FMNL3: variants seen among roughly 807,000 people sequenced by gnomAD.
FMNL3 encodes formin like 3, also known as formin-like protein 3.
In FMNL3, 57 loss-of-function variants were observed where a neutral mutation model predicts 119.6. That is an observed-to-expected ratio of 0.48 (90% CI 0.39 to 0.59). FMNL3 has a LOEUF of 0.59. FMNL3 is among the 20% of genes least tolerant of loss of function. The pLI is 0.00. For synonymous variants in FMNL3, 491 were observed against 507.3 expected, an observed-to-expected ratio of 0.97 and a Z score of 0.43; for missense variants, 1,053 against 1,323.5, an observed-to-expected ratio of 0.80 and a Z score of 3.17.
Position 49,707,387 on chromosome 12 carries a change from A to C in FMNL3, c.-207T>G, listed in dbSNP as rs1017320354. ...GGCAGCGTAGCGGACAGCCGCACCG[A>C]AGCAAGGCGGACGGAGGCGGCCGGC... On this transcript the variant is annotated 5_prime_UTR_variant, in exon 1 of 26. Coordinates refer to ENST00000335154, the MANE Select transcript of FMNL3 (RefSeq NM_175736.5). 20 of 389,660 alleles carry C rather than the reference A, an allele frequency of 5.1e-5. No homozygotes were observed. Among genetic ancestry groups the C allele is most frequent in the Non-Finnish European group, 3.1e-5 (7 of 223,472 alleles). 24.1% of individuals were successfully genotyped at this position (389,660 alleles called of 1,614,324 possible).
rs1943120682 is a variant in FMNL3 at position 49,645,116 on chromosome 12, A to C, written c.*699T>G. The C allele has an allele frequency of 6.6e-6, 1 of 151,584 alleles. No homozygotes were observed. Among genetic ancestry groups the C allele is most frequent in the South Asian group, 2.1e-4 (1 of 4,812 alleles). 9.4% of individuals were successfully genotyped at this position (151,584 alleles called of 1,614,324 possible). ...CCTTGTCCCCTGCCAAAAAAAAAAAAAAAAAAAAAAAAACCGTAGCTGAGG... is the reference window on the plus strand; with the variant it reads ...CCTTGTCCCCTGCCAAAAAAAAAAACAAAAAAAAAAAAACCGTAGCTGAGG... On this transcript the variant is annotated 3_prime_UTR_variant, in exon 26 of 26. Coordinates refer to ENST00000335154, the MANE Select transcript of FMNL3 (RefSeq NM_175736.5).
At chr12:49,670,333 C>G (rs1944010625) in intron 1 of FMNL3, among the ~76,000 whole-genome samples, 1 of 152,192 alleles carries the variant, frequency 6.6e-6, no homozygotes, top group African/African-American at 2.4e-5. Context: ...ATAAACATAA[C>G]TCAGATATAC....
At chr12:49,661,462 C>T (rs1943731146) in intron 5 of FMNL3, among the ~76,000 whole-genome samples, 1 of 151,894 alleles carries the variant, frequency 6.6e-6, no homozygotes, top group African/African-American at 2.4e-5. Flanking sequence ...CCAAGCCCCC[C>T]TGCCTGCTAG....
chr12:49,680,271 T>C (rs944816176), intron 1 of FMNL3, among the ~76,000 whole-genome samples: 4 of 152,232 alleles, frequency 2.6e-5, no homozygotes, highest in African/African-American at 9.6e-5. Flanking sequence ...AATGAATCCC[T>C]TCCTACTTCC....
intron 1 of FMNL3, among the ~76,000 whole-genome samples, chr12:49,697,985 T>C (rs1473102174): frequency 1.3e-5 from 2 of 152,212 alleles, no homozygotes; most frequent in Non-Finnish European, 2.9e-5. Context: ...GAGGATCTAT[T>C]GACTGGCTCC....
intron 21 of FMNL3, 89 bp from the exon 22 acceptor site, chr12:49,648,442 CT>C (rs773075666): frequency 7.5e-5 from 106 of 1,407,458 alleles, no homozygotes; most frequent in Non-Finnish European, 1.0e-4. Context: ...GGCCCTCCCC[CT>C]CAGCATGGGC....
rs1670437214 is a variant in FMNL3 at position 49,638,058 on chromosome 12, G to A, written c.*7757C>T. 1 of 504,174 alleles carries A rather than the reference G, an allele frequency of 2.0e-6. No individual in the cohort carries two copies. The highest frequency in any genetic ancestry group is 3.5e-6 in the Non-Finnish European group (1 of 283,420). 31.2% of individuals were successfully genotyped at this position (504,174 alleles called of 1,614,324 possible). A position where few individuals can be genotyped will look rare whatever the true frequency, so the allele number is the denominator to read the frequency against. On this transcript the variant is annotated 3_prime_UTR_variant, in exon 26 of 26. Transcript: ENST00000335154. The stretch of plus-strand genomic sequence containing the variant: ...AGAACTGTTATACAAAGGGGCAAGT[G>A]TTATTACAGAGACAGGAATCTGAAG...
At chr12:49,658,379 A>G in intron 6 of FMNL3, 63 bp downstream of exon 6, 1 of 1,519,282 alleles carries the variant, frequency 6.6e-7, no homozygotes. Context: ...CTCACTGCTG[A>G]ACCCGAGACC....
intron 12 of FMNL3, 35 bp downstream of exon 12, chr12:49,653,690 A>G (rs1207577189): frequency 6.8e-6 from 11 of 1,612,030 alleles, no homozygotes; most frequent in Admixed American, 1.7e-5. Flanking sequence ...GCTTCCATCA[A>G]CAGTGGCTCT....
At position 49,645,578 on chromosome 12, in the gene FMNL3, G is replaced by A. The variant is rs552577734; in HGVS notation, c.*237C>T. 33 of 496,572 alleles carry A rather than the reference G, an allele frequency of 6.6e-5. No homozygotes were observed. Among genetic ancestry groups the A allele is most frequent in the Non-Finnish European group, 9.8e-5 (28 of 284,304 alleles). 30.8% of individuals were successfully genotyped at this position (496,572 alleles called of 1,614,324 possible). Reference sequence around the variant, plus strand: ...TCCTAGCCCTGAGCTGACCCTTGGTGACCCTTCAGGAAATGAAGTCAAAGA... The same window carrying A: ...TCCTAGCCCTGAGCTGACCCTTGGTAACCCTTCAGGAAATGAAGTCAAAGA... On this transcript the variant is annotated 3_prime_UTR_variant, in exon 26 of 26. Transcript: ENST00000335154.
chr12:49,698,410 C>T (rs1212824831), intron 1 of FMNL3, among the ~76,000 whole-genome samples: 1 of 151,978 alleles, frequency 6.6e-6, no homozygotes, highest in African/African-American at 2.4e-5. Context: ...GCTAGCCCCT[C>T]GTGGTTCTGG....
rs1374938104 is a variant in FMNL3, at chr12:49,641,750, G to A, written c.*4065C>T. On this transcript the variant is annotated 3_prime_UTR_variant, in exon 26 of 26. Transcript: ENST00000335154. ...CATGGGGGCTTAATTGTCAAGTGAT[G>A]AGGACTTGGATAACTTGGTTTCTAA... 1.6e-6 allele frequency: 1 copy of A among 617,008 alleles called. No individual in the cohort carries two copies. Among genetic ancestry groups the A allele is most frequent in the Non-Finnish European group, 2.9e-6 (1 of 348,698 alleles). 38.2% of individuals were successfully genotyped at this position (617,008 alleles called of 1,614,324 possible).
At chr12:49,676,525 T>G (rs989296740) in intron 1 of FMNL3, among the ~76,000 whole-genome samples, 169 of 94,816 alleles carry the variant, frequency 1.8e-3, no homozygotes, top group South Asian at 0.011. Flanking sequence ...AGTGGGTTTT[T>G]TTTTTTTTTT....
intron 1 of FMNL3, 149 bp from the exon 2 acceptor site, chr12:49,668,703 A>C (rs1219489792): frequency 1.6e-6 from 1 of 626,904 alleles, no homozygotes; most frequent in African/African-American, 1.8e-5. Context: ...AAGGTAGAAC[A>C]GTCCTCCAGC....
Position 49,693,635 on chromosome 12 carries a change from GGTTTTTTTTTTTTTT to G in FMNL3, c.126+13405_126+13419del, listed in dbSNP as rs1168136379. On this transcript the variant is annotated intron_variant, in intron 1 of 25. Coordinates refer to ENST00000335154, the MANE Select transcript of FMNL3 (RefSeq NM_175736.5). ...CCACCCGCCTCAGCCTCCCAATCTT[GGTTTTTTTTTTTTTT>G]TTTTTTTTTTTTTTTGAGACAGAGT... 1.3e-3 allele frequency among the ~76,000 whole-genome samples: 27 copies of G among 21,216 alleles called. 1 individual carries two copies. The highest frequency in any genetic ancestry group is 1.8e-3 in the African/African-American group (16 of 9,024). 13.9% of individuals were successfully genotyped at this position (21,216 alleles called of 152,430 possible).
intron 13 of FMNL3, 116 bp downstream of exon 13, chr12:49,653,110 G>C: frequency 1.0e-6 from 1 of 961,266 alleles, no homozygotes; most frequent in South Asian, 1.4e-5. Context: ...GTACCTCAAG[G>C]GTGAATCAAG....
rs762457173 is a variant in FMNL3 at position 49,707,021 on chromosome 12, G to A, written c.126+34C>T. 58 of 1,554,716 alleles carry A rather than the reference G, an allele frequency of 3.7e-5. 1 individual carries two copies. Among genetic ancestry groups the A allele is most frequent in the South Asian group, 8.3e-5 (7 of 84,570 alleles). ...CCCGGGCGTCGGGACCTGAGGGGCG[G>A]TACGCGGGGGAAGGGGCTGGGCTCA... On this transcript the variant is annotated intron_variant, in intron 1 of 25. Transcript: ENST00000335154.
chr12:49,685,339 G>A (rs1020629680), intron 1 of FMNL3, among the ~76,000 whole-genome samples: 2 of 152,196 alleles, frequency 1.3e-5, no homozygotes, highest in African/African-American at 4.8e-5. Flanking sequence ...GCACGCGCCT[G>A]TAGTCCCAGC....
intron 25 of FMNL3, 38 bp from the exon 26 acceptor site, chr12:49,645,941 G>C: frequency 6.3e-7 from 1 of 1,582,320 alleles, no homozygotes; most frequent in South Asian, 1.1e-5. Flanking sequence ...CAGGATGGGA[G>C]GGTGAGCCAG....
Sources: allele counts gnomAD v4.1 joint callset (sites outside exome capture counted in the v4.1 genomes callset), GRCh38; gene constraint gnomAD v4.1.1; transcripts MANE v1.5; gene names NCBI Gene and HGNC (gene_info 2026-07-23, HGNC 2026-07-21).